Variants in RBFOX1 observed in about 807,000 individuals in gnomAD.
RBFOX1 encodes the protein RNA binding protein fox-1 homolog 1.
RBFOX1 carries 8 observed loss-of-function variants against 57.7 expected under a neutral mutation model. The ratio of observed to expected loss-of-function variants is 0.14; its 90% CI spans 0.08 to 0.25. The LOEUF is 0.25. RBFOX1 is among the 10% of genes least tolerant of loss of function. The pLI, the probability that RBFOX1 is intolerant of heterozygous loss-of-function variation, is 1.00. For missense variants in RBFOX1, 611 were observed against 548.5 expected, an observed-to-expected ratio of 1.11 and a Z score of -1.14; for synonymous variants, 326 against 222.4, an observed-to-expected ratio of 1.47 and a Z score of -4.15.
At chr16:6,505,550 C>T (rs1286188216) in intron 2 of RBFOX1, among the ~76,000 whole-genome samples, 1 of 152,128 alleles carries the variant, frequency 6.6e-6, no homozygotes, top group Admixed American at 6.5e-5. Context: ...CCGTCTAGTA[C>T]AGCTAGACAG....
intron 4 of RBFOX1, among the ~76,000 whole-genome samples, chr16:5,961,148 C>T (rs2059739968): frequency 1.3e-5 from 2 of 149,826 alleles, no homozygotes; most frequent in Non-Finnish European, 3.0e-5. Flanking sequence ...CATTCATTTC[C>T]TCTCTCCAAG....
At chr16:5,952,724 G>A (rs191355973) in intron 4 of RBFOX1, among the ~76,000 whole-genome samples, 1 of 152,268 alleles carries the variant, frequency 6.6e-6, no homozygotes, top group African/African-American at 2.4e-5. Flanking sequence ...CCACGGATGG[G>A]CATCTCTCTG....
chr16:5,908,003 G>A lies in RBFOX1; in HGVS notation c.351+40668G>A, dbSNP rs371490999. 7.9e-5 allele frequency among the ~76,000 whole-genome samples: 12 copies of A among 151,284 alleles called. No individual in the cohort carries two copies. In the East Asian group the frequency reaches 1.4e-3, roughly 17 times the overall value. ...TGACCTCAAGTTCTCCACCCTCTTC[G>A]GCCTCTGCAAGTGCTGGGATTACAG... On this transcript the variant is annotated intron_variant, in intron 4 of 19. Transcript: ENST00000641259.
chr16:5,373,093 G>T (rs2065900319), intron 1 of RBFOX1, among the ~76,000 whole-genome samples: 1 of 152,254 alleles, frequency 6.6e-6, no homozygotes, highest in South Asian at 2.1e-4. Context: ...ACAGAAGGCA[G>T]TGTGGAAAGG....
At chr16:6,980,669 G>C (rs1369160473) in intron 3 of RBFOX1, among the ~76,000 whole-genome samples, 2 of 152,146 alleles carry the variant, frequency 1.3e-5, no homozygotes, top group East Asian at 1.9e-4. Flanking sequence ...ACACAATACA[G>C]CTAAATTTCT....
At chr16:6,184,490 T>A (rs532317427) in intron 1 of RBFOX1, among the ~76,000 whole-genome samples, 1 of 152,242 alleles carries the variant, frequency 6.6e-6, no homozygotes, top group East Asian at 1.9e-4. Context: ...TATATGATCG[T>A]ATGCTTAGGT....
intron 3 of RBFOX1, among the ~76,000 whole-genome samples, chr16:6,985,363 A>G (rs1446494779): frequency 6.6e-6 from 1 of 152,198 alleles, no homozygotes; most frequent in African/African-American, 2.4e-5. Flanking sequence ...TACACAAAAG[A>G]TATATGGTCT....
intron 3 of RBFOX1, among the ~76,000 whole-genome samples, chr16:5,662,413 C>T (rs1376118223): frequency 2.0e-5 from 3 of 151,984 alleles, no homozygotes; most frequent in Admixed American, 2.0e-4. Flanking sequence ...GTGAAAGTGC[C>T]AATATCATCA....
intron 1 of RBFOX1, among the ~76,000 whole-genome samples, chr16:6,086,027 T>C (rs1486125940): frequency 6.6e-6 from 1 of 152,130 alleles, no homozygotes; most frequent in Non-Finnish European, 1.5e-5. Context: ...CCTGTGTCCA[T>C]GTCTTCTCAT....
chr16:6,825,884 T>C (rs114346016), intron 3 of RBFOX1, among the ~76,000 whole-genome samples: 1,716 of 152,302 alleles, frequency 0.011, 41 homozygotes, highest in African/African-American at 0.039. Flanking sequence ...CTGATGTAGG[T>C]GGCAGCAAGA....
chr16:6,389,173 G>A (rs2092463586), intron 2 of RBFOX1, among the ~76,000 whole-genome samples: 1 of 152,196 alleles, frequency 6.6e-6, no homozygotes. Flanking sequence ...GATGATGCAT[G>A]CTGCAGGGAT....
At position 5,244,591 on chromosome 16, in the gene RBFOX1, T is replaced by C. The variant is rs1356627272; in HGVS notation, c.219+4486T>C. ...GGCTGAAGCTCTCTCTGCTGAGATATAGATATTTCCCTGGCAACAATCTTT... is the reference window on the plus strand; with the variant it reads ...GGCTGAAGCTCTCTCTGCTGAGATACAGATATTTCCCTGGCAACAATCTTT... On this transcript the variant is annotated intron_variant, in intron 1 of 2. Transcript: ENST00000585867. 4.6e-5 allele frequency among the ~76,000 whole-genome samples: 7 copies of C among 152,224 alleles called. No homozygotes were observed. The East Asian group carries it at 7.7e-4, about 17-fold the overall frequency.
chr16:6,844,708 T>C (rs944384791), intron 3 of RBFOX1, among the ~76,000 whole-genome samples: 2 of 152,160 alleles, frequency 1.3e-5, no homozygotes, highest in African/African-American at 4.8e-5. Flanking sequence ...AGCCAGTAAT[T>C]GGATTGTTGG....
intron 3 of RBFOX1, among the ~76,000 whole-genome samples, chr16:6,915,475 A>G (rs1485613044): frequency 1.3e-5 from 2 of 151,934 alleles, no homozygotes; most frequent in Non-Finnish European, 2.9e-5. Context: ...CCTTAAACAA[A>G]TGACTTCCTA....
At chr16:6,867,350 C>G (rs1028473002) in intron 3 of RBFOX1, among the ~76,000 whole-genome samples, 3 of 151,776 alleles carry the variant, frequency 2.0e-5, no homozygotes, top group Admixed American at 6.6e-5. Flanking sequence ...AATAACCTCT[C>G]TTGGGGTAGT....
intron 1 of RBFOX1, among the ~76,000 whole-genome samples, chr16:6,093,765 G>C (rs1352321831): frequency 2.0e-5 from 3 of 151,718 alleles, no homozygotes; most frequent in Non-Finnish European, 2.9e-5. Context: ...GGGACCACAG[G>C]TGCATTCCAG....
At chr16:6,762,752 C>G (rs1234321430) in intron 3 of RBFOX1, among the ~76,000 whole-genome samples, 1 of 151,536 alleles carries the variant, frequency 6.6e-6, no homozygotes, top group African/African-American at 2.4e-5. Context: ...GGTAAAGAGC[C>G]TTACCCCAAG....
intron 10 of RBFOX1, among the ~76,000 whole-genome samples, chr16:7,622,124 TAGTTGGTCA>T (rs1011649140): frequency 6.6e-5 from 10 of 152,186 alleles, no homozygotes; most frequent in African/African-American, 1.9e-4. Flanking sequence ...CAAAAGTCTG[TAGTTGGTCA>T]GCACTTGATT....
chr16:6,844,228 G>A (rs1350463603), intron 3 of RBFOX1, among the ~76,000 whole-genome samples: 1 of 151,552 alleles, frequency 6.6e-6, no homozygotes, highest in Non-Finnish European at 1.5e-5. Context: ...AGGGGTACAT[G>A]TGCAGGATGT....
Sources: gnomAD v4.1 joint callset for allele counts (sites outside exome capture counted in the v4.1 genomes callset) on GRCh38, gnomAD v4.1.1 for gene constraint, MANE v1.5 for transcripts, NCBI Gene and HGNC (gene_info 2026-07-23, HGNC 2026-07-21) for gene names.